Variants in NFIB observed in about 807,000 individuals in gnomAD.
NFIB encodes the protein nuclear factor I B.
A neutral mutation model predicts 61.5 loss-of-function variants in NFIB; 11 were observed. The observed-to-expected ratio is 0.18, with a 90% CI of 0.11 to 0.30. The LOEUF is 0.30. NFIB is among the 10% of genes least tolerant of loss of function. The pLI is 1.00. For synonymous variants in NFIB, 260 were observed against 216.5 expected (o/e 1.20, Z -1.76); for missense variants, 471 against 608.9 (o/e 0.77, Z 2.38).
At chr9:14,309,091 T>C (rs1399536213) in intron 1 of NFIB, among the ~76,000 whole-genome samples, 3 of 152,198 alleles carry the variant, frequency 2.0e-5, no homozygotes, top group Admixed American at 1.3e-4. Context: ...AACTCTCTGA[T>C]TGTATCCCAA....
At chr9:14,102,379 T>C (rs1486427892) in intron 10 of NFIB, 1 of 1,482,814 alleles carries the variant, frequency 6.7e-7, no homozygotes, top group Non-Finnish European at 9.2e-7. Context: ...GCTCATGTAA[T>C]TTTTAGGTGT....
At chr9:14,422,309 A>T in the NFIB span, among the ~76,000 whole-genome samples, 3 of 152,178 alleles carry the variant, frequency 2.0e-5, no homozygotes, top group Non-Finnish European at 4.4e-5. Context: ...TGATCAGTTG[A>T]AATTCATTAA....
intron 1 of NFIB, among the ~76,000 whole-genome samples, chr9:14,364,759 T>TA (rs1265275223): frequency 6.6e-6 from 1 of 152,220 alleles, no homozygotes; most frequent in East Asian, 1.9e-4. Flanking sequence ...TACTATGGTT[T>TA]ACCTCTCCAG....
chr9:14,166,183 A>G (rs776352427), intron 3 of NFIB, among the ~76,000 whole-genome samples: 14 of 152,064 alleles, frequency 9.2e-5, no homozygotes, highest in Non-Finnish European at 1.9e-4. Flanking sequence ...TCTCATGATT[A>G]GTCTCTATCT....
chr9:14,445,632 A>C, the NFIB span, among the ~76,000 whole-genome samples: 1 of 152,168 alleles, frequency 6.6e-6, no homozygotes, highest in African/African-American at 2.4e-5. Context: ...TACAAGTTTT[A>C]ATTTTCAAAT....
intron 2 of NFIB, among the ~76,000 whole-genome samples, chr9:14,185,095 T>TAC: frequency 6.6e-6 from 1 of 152,174 alleles, no homozygotes; most frequent in Non-Finnish European, 1.5e-5. Context: ...AAAAAAAGTA[T>TAC]ACTCTATGCC....
At chr9:14,266,275 A>G (rs78466920) in intron 2 of NFIB, among the ~76,000 whole-genome samples, 1 of 152,138 alleles carries the variant, frequency 6.6e-6, no homozygotes, top group African/African-American at 2.4e-5. Context: ...GCAGCAGGGC[A>G]TGTGATCTAT....
At chr9:14,270,118 C>T (rs1475562725) in intron 2 of NFIB, among the ~76,000 whole-genome samples, 1 of 152,112 alleles carries the variant, frequency 6.6e-6, no homozygotes, top group Non-Finnish European at 1.5e-5. Flanking sequence ...ACTGTACTTC[C>T]ATCATTAAGG....
intron 1 of NFIB, among the ~76,000 whole-genome samples, chr9:14,353,662 C>G (rs1377094226): frequency 6.6e-6 from 1 of 152,086 alleles, no homozygotes; most frequent in Non-Finnish European, 1.5e-5. Flanking sequence ...CCCTGGTGTC[C>G]GACTGGCCGC....
At chr9:14,092,511 C>T in intron 10 of NFIB, among the ~76,000 whole-genome samples, 1 of 151,950 alleles carries the variant, frequency 6.6e-6, no homozygotes, top group East Asian at 1.9e-4. Flanking sequence ...ATTTCCCTGG[C>T]CATTTCACTA....
At chr9:14,498,067 T>C in the NFIB span, among the ~76,000 whole-genome samples, 1 of 152,216 alleles carries the variant, frequency 6.6e-6, no homozygotes, top group African/African-American at 2.4e-5. Context: ...CACTTGCAAC[T>C]AAAAGAGTCC....
chr9:14,274,071 G>A (rs939526375), intron 2 of NFIB, among the ~76,000 whole-genome samples: 3 of 152,256 alleles, frequency 2.0e-5, no homozygotes, highest in South Asian at 2.1e-4. Flanking sequence ...AACTTGAAGT[G>A]TAAATGGTGA....
intron 6 of NFIB, among the ~76,000 whole-genome samples, chr9:14,129,641 AGAAT>A (rs1475559283): frequency 6.6e-6 from 1 of 152,198 alleles, no homozygotes; most frequent in African/African-American, 2.4e-5. Context: ...AAAAGTTTGA[AGAAT>A]GAATATATAG....
At chr9:14,312,035 A>C (rs980849069) in intron 1 of NFIB, among the ~76,000 whole-genome samples, 1 of 152,248 alleles carries the variant, frequency 6.6e-6, no homozygotes, top group African/African-American at 2.4e-5. Flanking sequence ...ATAGCTCAGC[A>C]ACTCATTTTT....
chr9:14,321,956 C>T (rs1052227413), intron 1 of NFIB: 3 of 1,231,148 alleles, frequency 2.4e-6, no homozygotes, highest in Middle Eastern at 3.1e-4. Context: ...CACTGTATTG[C>T]ATTAAATAAA....
chr9:14,171,108 C>T (rs2045519436), intron 3 of NFIB, among the ~76,000 whole-genome samples: 2 of 152,166 alleles, frequency 1.3e-5, no homozygotes, highest in Admixed American at 1.3e-4. Context: ...TCTCCCCATT[C>T]TTTCTTTCTC....
chr9:14,140,860 G>C (rs183846915), intron 6 of NFIB, among the ~76,000 whole-genome samples: 6 of 152,130 alleles, frequency 3.9e-5, no homozygotes, highest in Non-Finnish European at 8.8e-5. Flanking sequence ...CTTGAACCTG[G>C]GGGGGTCAGG....
the NFIB span, among the ~76,000 whole-genome samples, chr9:14,407,757 G>C: frequency 6.6e-6 from 1 of 152,124 alleles, no homozygotes; most frequent in Non-Finnish European, 1.5e-5. Flanking sequence ...TACAATCATA[G>C]CTCACTGTAA....
chr9:14,346,603 C>T (rs2061025846), intron 1 of NFIB, among the ~76,000 whole-genome samples: 1 of 152,180 alleles, frequency 6.6e-6, no homozygotes, highest in Non-Finnish European at 1.5e-5. Flanking sequence ...TTCGCCACAA[C>T]GTTCCCGTTG....
Sources: allele counts gnomAD v4.1 joint callset (sites outside exome capture counted in the v4.1 genomes callset), GRCh38; gene constraint gnomAD v4.1.1; transcripts MANE v1.5; gene names NCBI Gene and HGNC (gene_info 2026-07-23, HGNC 2026-07-21).